The following GAS7 variants were observed in gnomAD, a reference collection of about 807,000 sequenced individuals.
GAS7 encodes growth arrest specific 7.
In GAS7, 28 loss-of-function variants were observed where a neutral mutation model predicts 71.1. That is an observed-to-expected ratio of 0.39 (90% CI 0.29 to 0.54). The LOEUF is 0.54. Among genes scored for constraint, GAS7 ranks in the 20% least tolerant of loss-of-function variants. The pLI, the probability that GAS7 is intolerant of heterozygous loss-of-function variation, is 0.62. For synonymous variants in GAS7, 258 were observed against 245.8 expected (o/e 1.05, Z -0.46); for missense variants, 436 against 627.8 (o/e 0.69, Z 3.27).
At chr17:10,027,941 T>C (rs2072509700) in intron 1 of GAS7, among the ~76,000 whole-genome samples, 2 of 152,236 alleles carry the variant, frequency 1.3e-5, no homozygotes, top group Admixed American at 6.5e-5. Flanking sequence ...TGGAGTGCAG[T>C]GGCACGATCT....
chr17:9,921,382 C>T (rs944558325), intron 11 of GAS7, among the ~76,000 whole-genome samples: 8 of 151,994 alleles, frequency 5.3e-5, no homozygotes, highest in African/African-American at 1.7e-4. Context: ...GTCTCGAACT[C>T]CTGACCTTGT....
At chr17:10,088,249 AT>A (rs2073543002) in intron 1 of GAS7, among the ~76,000 whole-genome samples, 2 of 148,542 alleles carry the variant, frequency 1.3e-5, no homozygotes, top group African/African-American at 2.5e-5. Context: ...AATAATAATA[AT>A]AATAATAAAT....
At chr17:10,149,683 G>T (rs182742298) in intron 1 of GAS7, among the ~76,000 whole-genome samples, 1 of 152,258 alleles carries the variant, frequency 6.6e-6, no homozygotes, top group African/African-American at 2.4e-5. Context: ...TAGCTAGAAA[G>T]TATAACCAAT....
chr17:9,940,464 G>A (rs565280739), intron 7 of GAS7, among the ~76,000 whole-genome samples: 2 of 152,306 alleles, frequency 1.3e-5, no homozygotes, highest in Non-Finnish European at 2.9e-5. Flanking sequence ...CTGTGAAGAC[G>A]AGAGCTGTCG....
intron 2 of GAS7, among the ~76,000 whole-genome samples, chr17:10,006,352 C>CAA (rs1442302090): frequency 2.1e-5 from 2 of 97,488 alleles, no homozygotes; most frequent in African/African-American, 7.0e-5. Flanking sequence ...TTTTTTGAGA[C>CAA]AGAGTCTCAC....
chr17:10,012,518 G>A (rs1161898671), intron 2 of GAS7, among the ~76,000 whole-genome samples: 5 of 152,034 alleles, frequency 3.3e-5, no homozygotes, highest in Non-Finnish European at 1.5e-5. Flanking sequence ...GAGCTCCTGG[G>A]CTCAAGTGAT....
chr17:10,152,613 G>A (rs17687843), intron 1 of GAS7, among the ~76,000 whole-genome samples: 1,944 of 152,304 alleles, frequency 0.013, 28 homozygotes, highest in Middle Eastern at 0.027. Flanking sequence ...CACTGCTGCC[G>A]TGTGCAAGGG....
At chr17:9,952,673 G>A (rs187670980) in intron 5 of GAS7, among the ~76,000 whole-genome samples, 232 of 152,268 alleles carry the variant, frequency 1.5e-3, no homozygotes, top group South Asian at 6.2e-3. Context: ...GATTACAGGC[G>A]TGAGTCACCG....
intron 1 of GAS7, among the ~76,000 whole-genome samples, chr17:10,135,177 G>A (rs868332526): frequency 4.5e-4 from 68 of 152,120 alleles, no homozygotes; most frequent in African/African-American, 1.5e-3. Flanking sequence ...AGTTTACACA[G>A]AAATTTCTAG....
chr17:10,172,538 A>G (rs1370632541), intron 1 of GAS7, among the ~76,000 whole-genome samples: 1 of 152,246 alleles, frequency 6.6e-6, no homozygotes, highest in Non-Finnish European at 1.5e-5. Context: ...AAGAAGAAAA[A>G]AAAAGAAACA....
intron 4 of GAS7, among the ~76,000 whole-genome samples, chr17:9,964,962 C>G (rs2069646784): frequency 2.0e-5 from 3 of 152,280 alleles, no homozygotes; most frequent in African/African-American, 7.2e-5. Context: ...GCCCTTCGTC[C>G]CATTCTCTTT....
At chr17:9,980,293 T>C (rs1253753054) in intron 3 of GAS7, among the ~76,000 whole-genome samples, 1 of 152,134 alleles carries the variant, frequency 6.6e-6, no homozygotes. Flanking sequence ...TGCTAGACAA[T>C]ATCCAAAGAC....
At chr17:10,003,575 T>TG (rs1400222523) in intron 2 of GAS7, among the ~76,000 whole-genome samples, 2 of 152,192 alleles carry the variant, frequency 1.3e-5, no homozygotes, top group Non-Finnish European at 2.9e-5. Flanking sequence ...GGCTTTCGAC[T>TG]GACCTCACAG....
intron 1 of GAS7, among the ~76,000 whole-genome samples, chr17:10,168,088 C>T (rs749868571): frequency 3.3e-5 from 5 of 152,162 alleles, no homozygotes; most frequent in Non-Finnish European, 5.9e-5. Flanking sequence ...GCTGGGATTA[C>T]AGGCTCAATT....
intron 3 of GAS7, among the ~76,000 whole-genome samples, chr17:9,977,473 C>G (rs913803840): frequency 6.6e-6 from 1 of 152,174 alleles, no homozygotes. Context: ...CCACACTGCA[C>G]GTTAAGCCCA....
Position 10,019,759 on chromosome 17 carries a change from C to G in GAS7, c.304+18G>C, listed in dbSNP as rs759620531. ...TGCCAGGGGGTTGGTGCAGGATTCT[C>G]CCCCGAGCGGGACTCACCATTGGTG... On this transcript the variant is annotated intron_variant, in intron 2 of 13. Coordinates refer to ENST00000432992, the MANE Select transcript of GAS7 (RefSeq NM_201433.2). 3 of 1,608,194 alleles carry G rather than the reference C, an allele frequency of 1.9e-6. No individual in the cohort carries two copies. In the Admixed American group the frequency reaches 5.0e-5, roughly 27 times the overall value.
chr17:9,978,023 C>A (rs1296738994), intron 3 of GAS7, among the ~76,000 whole-genome samples: 1 of 151,986 alleles, frequency 6.6e-6, no homozygotes, highest in African/African-American at 2.4e-5. Context: ...CCAGCCTGGG[C>A]AATATAGTGG....
At position 10,188,699 on chromosome 17, in the gene GAS7, T is replaced by G. The variant is rs549277764; in HGVS notation, c.183+9509A>C. Among the ~76,000 whole-genome samples the G allele has an allele frequency of 1.8e-3, 271 of 152,300 alleles. 1 individual carries two copies. Among genetic ancestry groups the G allele is most frequent in the Non-Finnish European group, 3.1e-3 (212 of 68,018 alleles). ...TTTCACTCAGGCTAGAGTGCAGTGG[T>G]GCAGTCTTGGCTCACTGCAGCTTTG... On this transcript the variant is annotated intron_variant, in intron 1 of 13. Coordinates refer to ENST00000432992, the MANE Select transcript of GAS7 (RefSeq NM_201433.2).
chr17:10,159,520 TTAAG>T (rs932300966), intron 1 of GAS7, among the ~76,000 whole-genome samples: 12 of 152,032 alleles, frequency 7.9e-5, no homozygotes, highest in Non-Finnish European at 1.8e-4. Context: ...AAACAAGGTG[TTAAG>T]TGAGAAAAGC....
Sources: gnomAD v4.1 joint callset for allele counts (sites outside exome capture counted in the v4.1 genomes callset) on GRCh38, gnomAD v4.1.1 for gene constraint, MANE v1.5 for transcripts, NCBI Gene and HGNC (gene_info 2026-07-23, HGNC 2026-07-21) for gene names.